Variants in PDE10A observed in about 807,000 individuals in gnomAD.
The protein encoded by PDE10A is phosphodiesterase 10A.
Under a neutral mutation model 97.7 loss-of-function variants are expected in PDE10A, and 39 were observed. The observed-to-expected ratio is 0.40, with a 90% CI of 0.31 to 0.52. The LOEUF is 0.52. Among genes scored for constraint, PDE10A ranks in the 20% least tolerant of loss-of-function variants. PDE10A has a pLI of 0.56. For synonymous variants in PDE10A, 371 were observed against 376.8 expected (o/e 0.98, Z 0.18); for missense variants, 731 against 1,047.8 (o/e 0.70, Z 4.17).
chr6:165,908,710 G>A (rs1266216012), intron 1 of PDE10A: 1 of 152,198 alleles, frequency 6.6e-6, no homozygotes, highest in East Asian at 1.9e-4. Context: ...CCAGAACATG[G>A]GGACTCCAGC....
At chr6:165,789,674 A>G (rs1778594509) in intron 1 of PDE10A, among the ~76,000 whole-genome samples, 1 of 152,224 alleles carries the variant, frequency 6.6e-6, no homozygotes, top group Admixed American at 6.5e-5. Context: ...ACCAGAATGA[A>G]TTCCCGTGAT....
chr6:165,697,209 A>G lies in PDE10A; in HGVS notation c.-614-153641T>C, dbSNP rs529387029. 8.0e-5 allele frequency among the ~76,000 whole-genome samples: 12 copies of G among 149,412 alleles called. No individual in the cohort carries two copies. The South Asian group carries it at 2.3e-3, about 28-fold the overall frequency. ...TAGAATAAACTGAAAGAGAATCAGG[A>G]AAAGACATGCCATAGAAAAATGCTG... On this transcript the variant is annotated intron_variant, in intron 1 of 19. Coordinates refer to the PDE10A transcript ENST00000366882.
intron 1 of PDE10A, among the ~76,000 whole-genome samples, chr6:165,806,915 C>A (rs1779158246): frequency 6.6e-6 from 1 of 152,178 alleles, no homozygotes; most frequent in Non-Finnish European, 1.5e-5. Flanking sequence ...AACTTATACC[C>A]TTACCATGTT....
chr6:165,772,887 C>T (rs1778053799), intron 1 of PDE10A, among the ~76,000 whole-genome samples: 1 of 152,208 alleles, frequency 6.6e-6, no homozygotes, highest in Non-Finnish European at 1.5e-5. Flanking sequence ...AATGCAGAGA[C>T]TCCTGGCTGG....
intron 1 of PDE10A, among the ~76,000 whole-genome samples, chr6:165,599,638 C>T (rs1168949038): frequency 2.0e-5 from 3 of 152,152 alleles, no homozygotes; most frequent in African/African-American, 4.8e-5. Flanking sequence ...TAACAGAATA[C>T]CTCGTAACAG....
chr6:165,504,150 T>C (rs1361059448), intron 2 of PDE10A, among the ~76,000 whole-genome samples: 3 of 152,136 alleles, frequency 2.0e-5, no homozygotes, highest in Non-Finnish European at 4.4e-5. Flanking sequence ...CAAGTAGAGA[T>C]AGGTAAAACA....
intron 2 of PDE10A, among the ~76,000 whole-genome samples, chr6:165,501,502 G>A (rs1404173104): frequency 1.3e-5 from 2 of 152,058 alleles, no homozygotes; most frequent in Non-Finnish European, 2.9e-5. Context: ...GAACCCAGGA[G>A]GTGGAGCTTG....
intron 1 of PDE10A, among the ~76,000 whole-genome samples, chr6:165,544,838 C>CAA (rs1783655945): frequency 6.6e-6 from 1 of 151,858 alleles, no homozygotes; most frequent in African/African-American, 2.4e-5. Context: ...CACACACACA[C>CAA]ACATATACAC....
intron 1 of PDE10A, among the ~76,000 whole-genome samples, chr6:165,807,865 C>G (rs1177056513): frequency 1.3e-5 from 2 of 152,142 alleles, no homozygotes; most frequent in African/African-American, 4.8e-5. Flanking sequence ...GTGCCTGTTT[C>G]CATATGTGTC....
At chr6:165,874,510 C>G (rs1781283375) in intron 1 of PDE10A, among the ~76,000 whole-genome samples, 1 of 152,170 alleles carries the variant, frequency 6.6e-6, no homozygotes, top group African/African-American at 2.4e-5. Context: ...AGAAGGATGA[C>G]ATAACTAGGT....
rs1016900972 is a variant in PDE10A at position 165,413,212 on chromosome 6, C to G, written c.2076+289G>C. On this transcript the variant is annotated intron_variant, in intron 13 of 21. Transcript: ENST00000539869. ...TTTTCTTTCTTCATTTCAGTAGATACCATTAAATATAAGACTGATGCCTGG... is the reference window on the plus strand; with the variant it reads ...TTTTCTTTCTTCATTTCAGTAGATAGCATTAAATATAAGACTGATGCCTGG... 2.6e-5 allele frequency among the ~76,000 whole-genome samples: 4 copies of G among 152,170 alleles called. No homozygotes were observed. In the East Asian group the frequency reaches 5.8e-4, roughly 22 times the overall value.
upstream of PDE10A, among the ~76,000 whole-genome samples, chr6:165,665,039 C>T (rs956032954): frequency 3.3e-5 from 5 of 152,216 alleles, no homozygotes; most frequent in Non-Finnish European, 5.9e-5. Context: ...CCAGAATCAA[C>T]CTCCTGTTTA....
chr6:165,476,631 T>C (rs777660191), intron 3 of PDE10A, among the ~76,000 whole-genome samples: 1 of 152,114 alleles, frequency 6.6e-6, no homozygotes, highest in Admixed American at 6.5e-5. Context: ...TTTAAAACAA[T>C]TGAGAAAGCT....
intron 2 of PDE10A, among the ~76,000 whole-genome samples, chr6:165,526,543 G>C (rs950612076): frequency 6.6e-6 from 1 of 152,204 alleles, no homozygotes; most frequent in African/African-American, 2.4e-5. Flanking sequence ...GCAGAGATTA[G>C]TGCCACCATC....
At position 165,783,978 on chromosome 6, in the gene PDE10A, G is replaced by T. The variant is rs548515288; in HGVS notation, c.-615+203551C>A. On this transcript the variant is annotated intron_variant, in intron 1 of 19. Transcript: ENST00000366882. ...CTCACGCATGTAATCTCAGCACTTTGGGAGGCCAAGGCAGGTGGATCACGA... is the reference window on the plus strand; with the variant it reads ...CTCACGCATGTAATCTCAGCACTTTTGGAGGCCAAGGCAGGTGGATCACGA... Among the ~76,000 whole-genome samples, 136 of 152,276 alleles carry T rather than the reference G, an allele frequency of 8.9e-4. 1 individual carries two copies. The highest frequency in any genetic ancestry group is 5.2e-3 in the Admixed American group (80 of 15,286).
intron 1 of PDE10A, among the ~76,000 whole-genome samples, chr6:165,938,930 A>G (rs117362742): frequency 0.022 from 3,326 of 152,338 alleles, 67 homozygotes; most frequent in South Asian, 0.081. Context: ...ATGTGCAACA[A>G]TATTTATTGC....
chr6:165,742,197 T>A (rs1287801530), intron 1 of PDE10A, among the ~76,000 whole-genome samples: 1 of 152,242 alleles, frequency 6.6e-6, no homozygotes, highest in Non-Finnish European at 1.5e-5. Flanking sequence ...TAAACTAGTC[T>A]GTGCGCCTTC....
chr6:165,561,829 T>A (rs1353130073), intron 1 of PDE10A, among the ~76,000 whole-genome samples: 2 of 152,214 alleles, frequency 1.3e-5, no homozygotes, highest in African/African-American at 4.8e-5. Flanking sequence ...CATGAATACA[T>A]CAGATTTTTT....
chr6:165,563,904 G>A (rs1195162179), intron 1 of PDE10A, among the ~76,000 whole-genome samples: 1 of 150,634 alleles, frequency 6.6e-6, no homozygotes, highest in Non-Finnish European at 1.5e-5. Context: ...AAAAAAAAAG[G>A]TAGCTATAAT....
Sources: allele counts gnomAD v4.1 joint callset (sites outside exome capture counted in the v4.1 genomes callset), GRCh38; gene constraint gnomAD v4.1.1; transcripts MANE v1.5; gene names NCBI Gene and HGNC (gene_info 2026-07-23, HGNC 2026-07-21).